The following DCC variants were observed in gnomAD, a reference collection of about 807,000 sequenced individuals.
The protein encoded by DCC is DCC netrin 1 receptor, also known as netrin receptor DCC.
Under a neutral mutation model 172.5 loss-of-function variants are expected in DCC, and 58 were observed. The ratio of observed to expected loss-of-function variants is 0.34; its 90% CI spans 0.27 to 0.42. DCC has a LOEUF of 0.42. Among genes scored for constraint, DCC ranks in the 10% least tolerant of loss-of-function variants. The pLI, the probability that DCC is intolerant of heterozygous loss-of-function variation, is 1.00. For synonymous variants in DCC, 709 were observed against 644.5 expected (o/e 1.10, Z -1.52); for missense variants, 1,740 against 1,791.0 (o/e 0.97, Z 0.51).
rs140237488 is a variant in DCC at position 53,134,023 on chromosome 18, A to G, written c.1262-23333A>G. Among the ~76,000 whole-genome samples the G allele has an allele frequency of 3.0e-4, 46 of 152,254 alleles. 1 individual carries two copies. Among genetic ancestry groups the G allele is most frequent in the Middle Eastern group, 3.4e-3 (1 of 294 alleles). On this transcript the variant is annotated intron_variant, in intron 7 of 28. Coordinates refer to ENST00000442544, the MANE Select transcript of DCC (RefSeq NM_005215.4). ...GTACCAGCTAGGTTAATGGAGTCAG[A>G]TGGGGTGGGATATGTGAACTGTCTA...
At chr18:52,992,473 GTC>G (rs1280488493) in intron 5 of DCC, among the ~76,000 whole-genome samples, 3 of 152,108 alleles carry the variant, frequency 2.0e-5, no homozygotes, top group African/African-American at 7.2e-5. Context: ...TGACCTCTGA[GTC>G]TCCTTCCAAC....
At chr18:52,588,097 C>T (rs1346095324) in intron 1 of DCC, among the ~76,000 whole-genome samples, 7 of 152,150 alleles carry the variant, frequency 4.6e-5, no homozygotes, top group African/African-American at 7.2e-5. Flanking sequence ...CATAGTCAAA[C>T]GTTCAGTTTC....
At chr18:52,597,773 A>G (rs1290958482) in intron 1 of DCC, among the ~76,000 whole-genome samples, 1 of 152,230 alleles carries the variant, frequency 6.6e-6, no homozygotes, top group African/African-American at 2.4e-5. Context: ...AATATTATTA[A>G]TGATCTTCAA....
intron 7 of DCC, among the ~76,000 whole-genome samples, chr18:53,101,817 G>T (rs970448110): frequency 8.5e-6 from 1 of 117,128 alleles, no homozygotes; most frequent in Non-Finnish European, 1.8e-5. Flanking sequence ...GTGTGTGTGT[G>T]TGTGTGTGTA....
rs200519902 is a variant in DCC at position 53,435,147 on chromosome 18, G to T, written c.3167G>T (p.Arg1056Leu). ...HPDKMANDQGRHGDGGYWPVD... is the reference protein window; with the variant it reads ...HPDKMANDQGLHGDGGYWPVD... ...GACATGCTCTCCCAATGAACAGGTC[G>T]TCATGGAGATGGAGGTTATTGGCCA... The change falls in exon 22 of 29, where the codon CGT becomes CTT. Residue 1056 changes from arginine to leucine, a missense_variant. Physicochemically the swap from Arg to Leu is moderately radical, Grantham distance 102. Around this residue, in one of 2 missense-constraint regions of DCC, gnomAD observed 1,732 missense variants for 1,767.4 expected, o/e 0.98. Transcript: ENST00000442544. 6 of 1,609,318 alleles carry T rather than the reference G, an allele frequency of 3.7e-6. No individual in the cohort carries two copies. In the Admixed American group the frequency reaches 1.0e-4, roughly 27 times the overall value.
At chr18:52,429,656 C>G (rs534993271) in intron 1 of DCC, among the ~76,000 whole-genome samples, 1 of 152,230 alleles carries the variant, frequency 6.6e-6, no homozygotes, top group African/African-American at 2.4e-5. Context: ...CAGAAAATGG[C>G]CATGTTCTTA....
At chr18:52,586,361 A>C (rs2033673667) in intron 1 of DCC, among the ~76,000 whole-genome samples, 3 of 152,158 alleles carry the variant, frequency 2.0e-5, no homozygotes, top group Non-Finnish European at 2.9e-5. Context: ...TTGCCCCTGT[A>C]TTCCATGCAT....
chr18:53,057,812 C>T (rs180976839), intron 5 of DCC, among the ~76,000 whole-genome samples: 5 of 152,078 alleles, frequency 3.3e-5, no homozygotes, highest in South Asian at 2.1e-4. Flanking sequence ...TGGGAGAAAG[C>T]GTAATGTGCA....
intron 1 of DCC, among the ~76,000 whole-genome samples, chr18:52,393,829 C>T (rs1297358519): frequency 1.3e-5 from 2 of 152,054 alleles, no homozygotes; most frequent in Non-Finnish European, 2.9e-5. Flanking sequence ...GGCCAATTAC[C>T]TAGATTCTAA....
intron 2 of DCC, among the ~76,000 whole-genome samples, chr18:52,832,603 A>G (rs16955652): frequency 0.021 from 3,223 of 152,234 alleles, 62 homozygotes; most frequent in Admixed American, 0.042. Flanking sequence ...GTCAGTTTCA[A>G]TATTAAGTTT....
intron 5 of DCC, among the ~76,000 whole-genome samples, chr18:53,020,332 A>G (rs2041862521): frequency 6.6e-6 from 1 of 152,158 alleles, no homozygotes; most frequent in Non-Finnish European, 1.5e-5. Context: ...TTAAAATTGC[A>G]ACATATTGCA....
intron 1 of DCC, among the ~76,000 whole-genome samples, chr18:52,714,534 G>T (rs1189904609): frequency 6.6e-6 from 1 of 152,170 alleles, no homozygotes; most frequent in Non-Finnish European, 1.5e-5. Flanking sequence ...GGAAGGAACT[G>T]CTATATTGGG....
intron 2 of DCC, among the ~76,000 whole-genome samples, chr18:52,764,416 G>A (rs1055798482): frequency 5.9e-5 from 9 of 152,214 alleles, no homozygotes; most frequent in Non-Finnish European, 1.3e-4. Flanking sequence ...GATCCACAAG[G>A]TGGGGCCTAA....
At chr18:52,742,657 G>A (rs1280271508) in intron 1 of DCC, among the ~76,000 whole-genome samples, 1 of 151,960 alleles carries the variant, frequency 6.6e-6, no homozygotes. Context: ...TTTTTCCTTT[G>A]GCCTTTAAAG....
chr18:52,998,201 G>A (rs1169665744), intron 5 of DCC, among the ~76,000 whole-genome samples: 2 of 152,036 alleles, frequency 1.3e-5, no homozygotes, highest in African/African-American at 4.8e-5. Flanking sequence ...TGCGGGAATA[G>A]AATATTTCCA....
At chr18:53,165,750 C>T (rs1242597784) in intron 8 of DCC, among the ~76,000 whole-genome samples, 1 of 152,104 alleles carries the variant, frequency 6.6e-6, no homozygotes, top group African/African-American at 2.4e-5. Flanking sequence ...ACTATATGTC[C>T]ATGTCCAGCA....
intron 25 of DCC, among the ~76,000 whole-genome samples, chr18:53,486,296 A>T (rs1369631101): frequency 6.6e-6 from 1 of 152,188 alleles, no homozygotes; most frequent in Non-Finnish European, 1.5e-5. Context: ...ATAAATCCTA[A>T]GTATGACTAT....
At chr18:52,648,859 T>C (rs1293000202) in intron 1 of DCC, among the ~76,000 whole-genome samples, 1 of 152,176 alleles carries the variant, frequency 6.6e-6, no homozygotes, top group African/African-American at 2.4e-5. Flanking sequence ...TATCATGCAA[T>C]TTTGCCAGCG....
At chr18:52,858,574 C>T (rs2039088416) in intron 2 of DCC, among the ~76,000 whole-genome samples, 1 of 152,164 alleles carries the variant, frequency 6.6e-6, no homozygotes. Flanking sequence ...ATTGAAGGGT[C>T]TTCTGGGTCC....
Sources: allele counts gnomAD v4.1 joint callset (sites outside exome capture counted in the v4.1 genomes callset), GRCh38; gene constraint gnomAD v4.1.1; regional missense constraint gnomAD v4.1.1; transcripts MANE v1.5; gene names NCBI Gene and HGNC (gene_info 2026-07-23, HGNC 2026-07-21).